Variants in CENPP observed in about 807,000 individuals in gnomAD.
CENPP encodes centromere protein P.
Under a neutral mutation model 35.6 loss-of-function variants are expected in CENPP, and 24 were observed. That is an observed-to-expected ratio of 0.67 (90% CI 0.49 to 0.95). CENPP has a LOEUF of 0.95. Ranked by LOEUF, CENPP falls within the 40% of genes least tolerant of loss-of-function variation. The probability of loss-of-function intolerance (pLI) is 0.00; values close to 1 mark genes in which losing one functional copy is unlikely to be tolerated. For synonymous variants in CENPP, 120 were observed against 125.5 expected (o/e 0.96, Z 0.29); for missense variants, 332 against 345.3 (o/e 0.96, Z 0.31).
In CENPP at chr9:92,613,805, CT is replaced by C. The variant is rs1851346147; in HGVS notation, c.*657del. 6.5e-6 allele frequency: 1 copy of C among 153,786 alleles called. No homozygotes were observed. The highest frequency in any genetic ancestry group is 6.4e-5 in the Admixed American group (1 of 15,640). 9.5% of individuals were successfully genotyped at this position (153,786 alleles called of 1,614,324 possible). On this transcript the variant is annotated 3_prime_UTR_variant, in exon 8 of 8. Coordinates refer to ENST00000375587, the MANE Select transcript of CENPP (RefSeq NM_001012267.3). ...GGTCCTTTATGAAAGAAAGACCCCC[CT>C]GCATAGCCTAAGTGCTATATCGATC...
intron 4 of CENPP, among the ~76,000 whole-genome samples, chr9:92,374,419 T>A (rs1842080961): frequency 6.6e-6 from 1 of 152,142 alleles, no homozygotes; most frequent in African/African-American, 2.4e-5. Flanking sequence ...TTGGTCAGGC[T>A]GGTCTCGAAC....
At chr9:92,363,751 C>T (rs1476676756) in intron 4 of CENPP, among the ~76,000 whole-genome samples, 2 of 152,130 alleles carry the variant, frequency 1.3e-5, no homozygotes, top group East Asian at 3.8e-4. Context: ...ACTATCATTT[C>T]ACATTTCTAT....
At chr9:92,402,315 C>T (rs1346114227) in intron 5 of CENPP, among the ~76,000 whole-genome samples, 1 of 152,076 alleles carries the variant, frequency 6.6e-6, no homozygotes, top group Non-Finnish European at 1.5e-5. Flanking sequence ...AACATTTGCT[C>T]ATTGTGTACC....
At chr9:92,515,680 G>A (rs900533667) in intron 5 of CENPP, among the ~76,000 whole-genome samples, 3 of 152,150 alleles carry the variant, frequency 2.0e-5, no homozygotes, top group African/African-American at 7.2e-5. Context: ...CTTGCTTATA[G>A]CAGTGAAACC....
chr9:92,446,675 A>G (rs1360285117), intron 5 of CENPP, among the ~76,000 whole-genome samples: 1 of 152,318 alleles, frequency 6.6e-6, no homozygotes, highest in Middle Eastern at 3.4e-3. Flanking sequence ...GAACAAAGGC[A>G]GCATGTTAGC....
chr9:92,550,034 A>G (rs1413014841), intron 5 of CENPP, among the ~76,000 whole-genome samples: 1 of 152,202 alleles, frequency 6.6e-6, no homozygotes, highest in Non-Finnish European at 1.5e-5. Flanking sequence ...CAGCATGATA[A>G]CAGAGACAGG....
At chr9:92,339,652 G>A (rs1440733615) in intron 3 of CENPP, 1 of 153,132 alleles carries the variant, frequency 6.5e-6, no homozygotes, top group African/African-American at 2.4e-5. Context: ...TGGGTGGTAA[G>A]TGGCTCTAGG....
At chr9:92,564,687 A>G (rs897577127) in intron 5 of CENPP, among the ~76,000 whole-genome samples, 1 of 152,332 alleles carries the variant, frequency 6.6e-6, no homozygotes, top group African/African-American at 2.4e-5. Context: ...ATCCCTCAGT[A>G]TGTGTGAATG....
intron 5 of CENPP, among the ~76,000 whole-genome samples, chr9:92,458,691 G>T (rs1200526470): frequency 1.3e-5 from 2 of 152,198 alleles, no homozygotes; most frequent in African/African-American, 4.8e-5. Context: ...GCTGGAAGCA[G>T]AGTTGTGGAG....
At chr9:92,605,193 T>C (rs755280706) in intron 5 of CENPP, among the ~76,000 whole-genome samples, 1 of 152,174 alleles carries the variant, frequency 6.6e-6, no homozygotes, top group Non-Finnish European at 1.5e-5. Context: ...GAGACCATGT[T>C]GGCAAGGCTG....
At chr9:92,390,017 T>C in intron 5 of CENPP, 1 of 1,606,530 alleles carries the variant, frequency 6.2e-7, no homozygotes, top group Non-Finnish European at 8.5e-7. Context: ...TTCTATATCT[T>C]CTATCAAATT....
At chr9:92,544,667 C>T (rs1051196343) in intron 5 of CENPP, among the ~76,000 whole-genome samples, 11 of 150,730 alleles carry the variant, frequency 7.3e-5, no homozygotes, top group Non-Finnish European at 1.0e-4. Context: ...AGGGAGAAAG[C>T]GTGGCTCACC....
intron 5 of CENPP, chr9:92,457,349 G>A (rs1312705406): frequency 1.2e-6 from 2 of 1,614,018 alleles, no homozygotes; most frequent in East Asian, 2.2e-5. Context: ...AAATGTTGCA[G>A]GTTGCATTTC....
At chr9:92,533,358 T>TGC (rs1276808960) in intron 5 of CENPP, among the ~76,000 whole-genome samples, 1 of 126,978 alleles carries the variant, frequency 7.9e-6, no homozygotes, top group Non-Finnish European at 1.6e-5. Flanking sequence ...TATATATATA[T>TGC]GCTTTGGGTC....
intron 5 of CENPP, among the ~76,000 whole-genome samples, chr9:92,441,370 A>G (rs1844382632): frequency 6.6e-6 from 1 of 152,222 alleles, no homozygotes; most frequent in Non-Finnish European, 1.5e-5. Flanking sequence ...ACTGTGGGAA[A>G]TGCCTGTGAG....
Position 92,613,951 on chromosome 9 carries a change from T to C in CENPP, c.*802T>C, listed in dbSNP as rs909113311. On this transcript the variant is annotated 3_prime_UTR_variant, in exon 8 of 8. Transcript: ENST00000375587. ...CGTCATGACTACGCAGCAGCAGCAG[T>C]TTCCAAGACGGGCCAGAAACGCATC... 2 of 152,068 alleles carry C rather than the reference T, an allele frequency of 1.3e-5. No individual in the cohort carries two copies. The highest frequency in any genetic ancestry group is 4.8e-5 in the African/African-American group (2 of 41,384). The allele number at this position is 152,068 out of a possible 1,614,324, so 9.4% of individuals were successfully genotyped here. A position where few individuals can be genotyped will look rare whatever the true frequency, so the allele number is the denominator to read the frequency against.
intron 5 of CENPP, chr9:92,465,091 G>T: frequency 1.8e-6 from 2 of 1,107,304 alleles, no homozygotes; most frequent in East Asian, 2.4e-5. Flanking sequence ...AACTCACAGT[G>T]CAGAGAGACA....
chr9:92,356,983 A>T (rs1015480815), intron 4 of CENPP, among the ~76,000 whole-genome samples: 1 of 152,192 alleles, frequency 6.6e-6, no homozygotes, highest in African/African-American at 2.4e-5. Flanking sequence ...ATGTAAACTA[A>T]TAATTCTTTA....
intron 5 of CENPP, among the ~76,000 whole-genome samples, chr9:92,497,738 A>G (rs897494055): frequency 6.6e-6 from 1 of 151,496 alleles, no homozygotes; most frequent in Non-Finnish European, 1.5e-5. Flanking sequence ...TTTGATCCCC[A>G]GTGTTGGAGG....
Sources: gnomAD v4.1 joint callset for allele counts (sites outside exome capture counted in the v4.1 genomes callset) on GRCh38, gnomAD v4.1.1 for gene constraint, MANE v1.5 for transcripts, NCBI Gene and HGNC (gene_info 2026-07-23, HGNC 2026-07-21) for gene names.